Variants in SPAG17 observed in about 807,000 individuals in gnomAD.
SPAG17 encodes sperm-associated antigen 17.
A neutral mutation model predicts 273.6 loss-of-function variants in SPAG17; 169 were observed. That is an observed-to-expected ratio of 0.62 (90% CI 0.55 to 0.70). The LOEUF (loss-of-function observed/expected upper bound fraction) is 0.70. Among genes scored for constraint, SPAG17 ranks in the 30% least tolerant of loss-of-function variants. The probability of loss-of-function intolerance (pLI) is 0.00; values close to 1 mark genes in which losing one functional copy is unlikely to be tolerated. For missense variants in SPAG17, 2,557 were observed against 2,627.8 expected (o/e 0.97, Z 0.59); for synonymous variants, 825 against 873.2 (o/e 0.94, Z 0.97).
At chr1:117,984,088 G>T (rs1011276930) in intron 41 of SPAG17, among the ~76,000 whole-genome samples, 175 bp from the exon 42 acceptor site, 1 of 152,174 alleles carries the variant, frequency 6.6e-6, no homozygotes, top group African/African-American at 2.4e-5. Context: ...TTGTTAACTA[G>T]TCATAATTTC....
chr1:118,055,901 G>A lies in SPAG17; in HGVS notation c.2554C>T (p.Leu852Phe), dbSNP rs1423534486. 6.2e-7 allele frequency: 1 copy of A among 1,604,728 alleles called. No individual in the cohort carries two copies. The highest frequency in any genetic ancestry group is 1.7e-5 in the Admixed American group (1 of 58,336). ...CAATCTTGAATAGATTTTGCAACAAGTTCCAAATAATTCCTAAACAAACCA... is the reference window on the plus strand; with the variant it reads ...CAATCTTGAATAGATTTTGCAACAAATTCCAAATAATTCCTAAACAAACCA... ...SNVGFRNYLELVAKSIQDWIT... is the reference protein window; with the variant it reads ...SNVGFRNYLEFVAKSIQDWIT... Residue 852 changes from leucine (L) to phenylalanine (F), a missense_variant, in exon 19 of 49, where the codon CTT (leucine) becomes TTT (phenylalanine). Leu to Phe is a conservative substitution (Grantham distance 22). Transcript: ENST00000336338.
At chr1:118,162,822 A>C (rs1398023743) in intron 1 of SPAG17, among the ~76,000 whole-genome samples, 1 of 152,106 alleles carries the variant, frequency 6.6e-6, no homozygotes, top group African/African-American at 2.4e-5. Flanking sequence ...GATTTAGTTC[A>C]TTTATTTTAA....
chr1:117,956,967 T>C (rs1652290051), intron 48 of SPAG17: 1 of 1,066,774 alleles, frequency 9.4e-7, no homozygotes, highest in Middle Eastern at 2.3e-4. Context: ...TATCCAAGTA[T>C]AAAATCAGTA....
At chr1:118,184,148 T>C (rs1196365366) in intron 1 of SPAG17, among the ~76,000 whole-genome samples, 1 of 152,182 alleles carries the variant, frequency 6.6e-6, no homozygotes, top group Non-Finnish European at 1.5e-5. Flanking sequence ...CACAAGACTT[T>C]AGATCCATTT....
chr1:118,067,962 C>A (rs1239380010), intron 17 of SPAG17, among the ~76,000 whole-genome samples: 1 of 152,032 alleles, frequency 6.6e-6, no homozygotes, highest in African/African-American at 2.4e-5. Context: ...GTGGTAGCTA[C>A]CAGTAGAGAG....
At chr1:117,977,038 G>A (rs1361944486) in intron 43 of SPAG17, among the ~76,000 whole-genome samples, 3 of 151,948 alleles carry the variant, frequency 2.0e-5, no homozygotes, top group East Asian at 1.9e-4. Flanking sequence ...GGCTGGGCAC[G>A]GTGGCTCACA....
chr1:117,976,133 G>A (rs560105023), intron 43 of SPAG17, among the ~76,000 whole-genome samples: 4 of 152,128 alleles, frequency 2.6e-5, no homozygotes, highest in Non-Finnish European at 5.9e-5. Flanking sequence ...TCTTAGCTCT[G>A]CTCTATACTA....
chr1:117,984,871 A>G (rs1656233966), intron 40 of SPAG17, 89 bp from the exon 41 acceptor site: 1 of 761,374 alleles, frequency 1.3e-6, no homozygotes, highest in Non-Finnish European at 2.3e-6. Context: ...ATCCCACAAA[A>G]ATGAATGCAA....
rs777752918 is a variant in SPAG17, at chr1:118,016,042, C to T, written c.4210G>A (p.Gly1404Ser). 84 of 1,613,948 alleles carry T rather than the reference C, an allele frequency of 5.2e-5. 1 individual carries two copies. In the Admixed American group the frequency reaches 1.1e-3, roughly 22 times the overall value. Residue 1404 changes from glycine (G) to serine (S), a missense_variant, in exon 29 of 49, where the codon GGC (glycine) becomes AGC (serine). Physicochemically the swap from Gly to Ser is moderately conservative, Grantham distance 56 (BLOSUM62 0). Transcript: ENST00000336338. ...FTTTPEGNRI[G>S]TKGLERIADL... is the part of the protein sequence containing the mutation. The stretch of plus-strand genomic sequence containing the variant: ...GCTATTCTTTCTAATCCTTTGGTGC[C>T]GATCCGATTTCCTTCAGGTGTGGTT...
chr1:118,051,296 A>C (rs1273401470), intron 20 of SPAG17, among the ~76,000 whole-genome samples: 1 of 152,142 alleles, frequency 6.6e-6, no homozygotes, highest in Admixed American at 6.5e-5. Flanking sequence ...GATGATGGGA[A>C]TATAAATTAC....
At chr1:118,118,868 T>C (rs1475907476) in intron 3 of SPAG17, among the ~76,000 whole-genome samples, 1 of 152,256 alleles carries the variant, frequency 6.6e-6, no homozygotes, top group African/African-American at 2.4e-5. Flanking sequence ...ATATTTCCTT[T>C]ATCATTGTCC....
At chr1:118,091,312 T>A (rs1294204964) in intron 10 of SPAG17, among the ~76,000 whole-genome samples, 3 of 152,226 alleles carry the variant, frequency 2.0e-5, no homozygotes, top group East Asian at 3.8e-4. Flanking sequence ...CTTGTCCATG[T>A]TCTCTTCCTT....
At chr1:118,181,339 T>A (rs555459762) in intron 1 of SPAG17, among the ~76,000 whole-genome samples, 1 of 151,860 alleles carries the variant, frequency 6.6e-6, no homozygotes, top group Non-Finnish European at 1.5e-5. Context: ...AAACAGAGAC[T>A]GGCAGAATGG....
At chr1:118,042,922 G>T (rs1166087491) in intron 20 of SPAG17, among the ~76,000 whole-genome samples, 1 of 151,972 alleles carries the variant, frequency 6.6e-6, no homozygotes, top group East Asian at 1.9e-4. Context: ...TCAGTTCTTT[G>T]TTAAGACGCC....
intron 20 of SPAG17, among the ~76,000 whole-genome samples, chr1:118,051,516 C>T (rs896032080): frequency 1.4e-5 from 2 of 145,964 alleles, no homozygotes; most frequent in African/African-American, 5.2e-5. Flanking sequence ...CATCCATCAA[C>T]AGATAAATGA....
At chr1:118,039,487 C>G in intron 22 of SPAG17, 43 bp from the exon 23 acceptor site, 1 of 1,590,150 alleles carries the variant, frequency 6.3e-7, no homozygotes, top group Non-Finnish European at 8.6e-7. Context: ...GATTAGGATG[C>G]CACATTAAGC....
rs371237837 is a variant in SPAG17, at chr1:118,073,957, T to C, written c.2282A>G (p.Lys761Arg). ...KADSHEKKPK[K>R]MMVEADLEDI... Reference sequence around the variant, plus strand: ...CTCTAAATCTGCTTCCACCATCATCTTCTTGGGTTTCTAAAATATCATAGG... The same window carrying C: ...CTCTAAATCTGCTTCCACCATCATCCTCTTGGGTTTCTAAAATATCATAGG... The change falls in exon 17 of 49, where the codon AAG becomes AGG. Residue 761 changes from lysine (K) to arginine (R), a missense_variant. By Grantham distance (26) the Lys-to-Arg change is conservative (BLOSUM62 2). Coordinates refer to ENST00000336338, the MANE Select transcript of SPAG17 (RefSeq NM_206996.4). 1.3e-6 allele frequency: 2 copies of C among 1,552,424 alleles called. No individual in the cohort carries two copies. The highest frequency in any genetic ancestry group is 2.8e-5 in the African/African-American group (2 of 70,198).
Position 118,101,908 on chromosome 1 carries a change from T to C in SPAG17, c.466A>G (p.Lys156Glu), listed in dbSNP as rs1656094954. ...NEKKVIEDKP[K>E]LEKDKGKAKS... The stretch of plus-strand genomic sequence containing the variant: ...GCTTTCCCTTTATCCTTTTCTAACT[T>C]AGGTTTGTCTTCTATTACCTGGAAT... The change falls in exon 5 of 49, where the codon AAG (lysine) becomes GAG (glutamate). Residue 156 changes from lysine (K) to glutamate (E), a missense_variant. By Grantham distance (56) the Lys-to-Glu change is moderately conservative. Coordinates refer to ENST00000336338, the MANE Select transcript of SPAG17 (RefSeq NM_206996.4). 2.5e-6 allele frequency: 4 copies of C among 1,612,530 alleles called. No homozygotes were observed. Among genetic ancestry groups the C allele is most frequent in the African/African-American group, 1.3e-5 (1 of 74,682 alleles).
At chr1:118,148,677 C>T (rs1659202771) in intron 3 of SPAG17, among the ~76,000 whole-genome samples, 2 of 152,218 alleles carry the variant, frequency 1.3e-5, no homozygotes, top group Non-Finnish European at 2.9e-5. Flanking sequence ...GCCTAGGCAG[C>T]TTCACCTCTC....
Sources: gnomAD v4.1 joint callset for allele counts (sites outside exome capture counted in the v4.1 genomes callset) on GRCh38, gnomAD v4.1.1 for gene constraint, MANE v1.5 for transcripts, NCBI Gene and HGNC (gene_info 2026-07-23, HGNC 2026-07-21) for gene names.